The following DIAPH2 variants were observed in gnomAD, a reference collection of about 807,000 sequenced individuals.
DIAPH2 encodes the protein diaphanous related formin 2, also known as protein diaphanous homolog 2.
DIAPH2 carries 35 observed loss-of-function variants against 92.7 expected under a neutral mutation model. That is an observed-to-expected ratio of 0.38 (90% CI 0.29 to 0.50). The LOEUF (loss-of-function observed/expected upper bound fraction) is 0.50. Ranked by LOEUF, DIAPH2 falls within the 20% of genes least tolerant of loss-of-function variation. The pLI is 0.94. For synonymous variants in DIAPH2, 301 were observed against 280.4 expected (o/e 1.07, Z -0.73); for missense variants, 701 against 819.5 (o/e 0.86, Z 1.77).
chrX:97,359,681 G>A (rs937415102), intron 24 of DIAPH2, among the ~76,000 whole-genome samples: 6 of 104,126 alleles, frequency 5.8e-5, no homozygotes, highest in Non-Finnish European at 1.2e-4. Context: ...AGGCTCAAGC[G>A]ATTCTCCTGC....
Position 97,383,965 on chromosome X carries a change from A to G in DIAPH2, c.3066A>G (p.Ala1022=). ...RREMEEKTRR[A]KLAKEKAEQE... is the part of the protein sequence containing the mutation. ...AAATGGAAGAGAAGACCAGGAGGGCAAAACTTGCAAAAGAGAAAGCTGAAC... is the reference window on the plus strand; with the variant it reads ...AAATGGAAGAGAAGACCAGGAGGGCGAAACTTGCAAAAGAGAAAGCTGAAC... Residue 1022 remains alanine (A), a synonymous_variant, in exon 25 of 27, where the codon GCA becomes GCG. Coordinates refer to ENST00000324765, the MANE Select transcript of DIAPH2 (RefSeq NM_006729.5). The G allele has an allele frequency of 8.3e-7, 1 of 1,206,330 alleles. No individual in the cohort carries two copies. The highest frequency in any genetic ancestry group is 1.1e-6 in the Non-Finnish European group (1 of 891,928).
chrX:97,238,948 T>C (rs1201116654), intron 22 of DIAPH2, among the ~76,000 whole-genome samples: 1 of 111,943 alleles, frequency 8.9e-6, no homozygotes, highest in East Asian at 2.8e-4. Context: ...ACTTATATAA[T>C]CATGTTTGGG....
chrX:97,403,194 A>G (rs964141671), intron 25 of DIAPH2, among the ~76,000 whole-genome samples: 6 of 112,180 alleles, frequency 5.3e-5, no homozygotes, highest in African/African-American at 1.9e-4. Context: ...GAATAAAATG[A>G]ATGTTTTGAC....
At chrX:96,696,983 C>G (rs1177093734) in intron 1 of DIAPH2, among the ~76,000 whole-genome samples, 2 of 111,325 alleles carry the variant, frequency 1.8e-5, no homozygotes, top group African/African-American at 6.5e-5. Context: ...GTGGGTAGAC[C>G]AGCATGATGG....
intron 26 of DIAPH2, among the ~76,000 whole-genome samples, chrX:97,580,097 A>G (rs978579828): frequency 9.0e-6 from 1 of 111,206 alleles, no homozygotes; most frequent in Non-Finnish European, 1.9e-5. Flanking sequence ...CTAGATATAC[A>G]ATCATGTCAT....
chrX:97,063,806 A>G (rs990505112), intron 17 of DIAPH2, among the ~76,000 whole-genome samples: 7 of 112,337 alleles, frequency 6.2e-5, no homozygotes, highest in Non-Finnish European at 9.4e-5. Flanking sequence ...GGAATCAGAC[A>G]TTTATTGAAC....
intron 26 of DIAPH2, 91 bp from the exon 27 acceptor site, chrX:97,599,156 TCAGGAC>T: frequency 1.9e-6 from 1 of 515,529 alleles, no homozygotes; most frequent in Non-Finnish European, 3.1e-6. Context: ...AAGTGATTTT[TCAGGAC>T]TATTTGAAAA....
intron 10 of DIAPH2, among the ~76,000 whole-genome samples, chrX:96,932,582 A>G (rs1246759304): frequency 9.1e-6 from 1 of 109,884 alleles, no homozygotes; most frequent in Non-Finnish European, 1.9e-5. Context: ...CCTATATAAA[A>G]CTTTTTGTGG....
chrX:97,279,395 C>T (rs2068478122), intron 23 of DIAPH2, among the ~76,000 whole-genome samples: 1 of 107,031 alleles, frequency 9.3e-6, no homozygotes, highest in South Asian at 4.4e-4. Flanking sequence ...CTCCACCTCC[C>T]GAGAGTGGGG....
At chrX:97,075,380 T>C in intron 19 of DIAPH2, 119 bp downstream of exon 19, 1 of 380,110 alleles carries the variant, frequency 2.6e-6, no homozygotes, top group Non-Finnish European at 4.5e-6. Flanking sequence ...AGACATTGAA[T>C]AGTTTAATAA....
intron 26 of DIAPH2, among the ~76,000 whole-genome samples, chrX:97,442,442 A>G (rs769105025): frequency 1.9e-4 from 21 of 112,750 alleles, no homozygotes; most frequent in African/African-American, 6.4e-4. Flanking sequence ...AAAGATACTC[A>G]ACAGGTTGTC....
intron 23 of DIAPH2, among the ~76,000 whole-genome samples, chrX:97,344,965 G>A (rs1427662944): frequency 3.6e-5 from 4 of 112,074 alleles, no homozygotes; most frequent in African/African-American, 1.3e-4. Flanking sequence ...TCTGCCTAGC[G>A]AGTCCCTGGA....
intron 26 of DIAPH2, among the ~76,000 whole-genome samples, chrX:97,534,389 T>C (rs1365606379): frequency 9.0e-6 from 1 of 110,937 alleles, no homozygotes; most frequent in Non-Finnish European, 1.9e-5. Flanking sequence ...ATTTACTAAA[T>C]ATCTTGGTCA....
At chrX:96,887,515 G>T (rs1199181129) in intron 5 of DIAPH2, among the ~76,000 whole-genome samples, 1 of 110,786 alleles carries the variant, frequency 9.0e-6, no homozygotes, top group Non-Finnish European at 1.9e-5. Context: ...TGGCTCACAG[G>T]CTTACGAAAT....
chrX:96,930,680 A>G (rs2065613533), intron 9 of DIAPH2, 53 bp from the exon 10 acceptor site: 1 of 914,254 alleles, frequency 1.1e-6, no homozygotes, highest in Non-Finnish European at 1.6e-6. Context: ...TTAATGCATT[A>G]TTTCATTAAT....
intron 26 of DIAPH2, among the ~76,000 whole-genome samples, chrX:97,479,283 G>A (rs770669380): frequency 1.8e-5 from 2 of 110,059 alleles, no homozygotes; most frequent in African/African-American, 6.6e-5. Flanking sequence ...ACAGCCTTGT[G>A]CTTTCTACTC....
At position 96,706,330 on chromosome X, in the gene DIAPH2, A is replaced by G. The variant is rs1057313058; in HGVS notation, c.132+21140A>G. Among the ~76,000 whole-genome samples, 7 of 112,151 alleles carry G rather than the reference A, an allele frequency of 6.2e-5. No individual in the cohort carries two copies. In the South Asian group the frequency reaches 1.5e-3, roughly 24 times the overall value. On this transcript the variant is annotated intron_variant, in intron 1 of 26. Coordinates refer to ENST00000324765, the MANE Select transcript of DIAPH2 (RefSeq NM_006729.5). ...TATCCCCTGCTTAGAATCCATATAC[A>G]TTTGAGTTTTTGACTCTGGATCTAG...
At chrX:97,229,264 T>C (rs2037023920) in intron 22 of DIAPH2, among the ~76,000 whole-genome samples, 1 of 112,000 alleles carries the variant, frequency 8.9e-6, no homozygotes, top group Admixed American at 9.6e-5. Context: ...CAAATGTAAT[T>C]GAAGGTTTTA....
chrX:96,851,138 G>C (rs1234304964), intron 4 of DIAPH2, among the ~76,000 whole-genome samples: 1 of 111,810 alleles, frequency 8.9e-6, no homozygotes, highest in African/African-American at 3.3e-5. Context: ...GTCTTGCCCT[G>C]TCACCCAGGC....
Sources: gnomAD v4.1 joint callset for allele counts (sites outside exome capture counted in the v4.1 genomes callset) on GRCh38, gnomAD v4.1.1 for gene constraint, MANE v1.5 for transcripts, NCBI Gene and HGNC (gene_info 2026-07-23, HGNC 2026-07-21) for gene names.